The following ATF2 variants were observed in gnomAD, a reference collection of about 807,000 sequenced individuals.
The protein encoded by ATF2 is activating transcription factor 2.
Under a neutral mutation model 60.6 loss-of-function variants are expected in ATF2, and 24 were observed. The ratio of observed to expected loss-of-function variants is 0.40; its 90% CI spans 0.29 to 0.56. The LOEUF is 0.56. ATF2 is among the 20% of genes least tolerant of loss of function. The pLI is 0.54. For missense variants in ATF2, 433 were observed against 607.7 expected, an observed-to-expected ratio of 0.71 and a Z score of 3.02; for synonymous variants, 206 against 215.4, an observed-to-expected ratio of 0.96 and a Z score of 0.38.
intron 1 of ATF2, among the ~76,000 whole-genome samples, chr2:175,164,465 T>C (rs969297059): frequency 1.3e-5 from 2 of 151,850 alleles, no homozygotes; most frequent in African/African-American, 4.8e-5. Flanking sequence ...ATCCGGGAGG[T>C]GGAGATTGCA....
In ATF2 at chr2:175,087,157, A is replaced by G. The variant is rs186731161; in HGVS notation, c.1185+5904T>C. 3.3e-5 allele frequency among the ~76,000 whole-genome samples: 5 copies of G among 152,324 alleles called. No homozygotes were observed. In the East Asian group the frequency reaches 9.6e-4, roughly 29 times the overall value. On this transcript the variant is annotated intron_variant, in intron 12 of 13. Coordinates refer to ENST00000264110, the MANE Select transcript of ATF2 (RefSeq NM_001880.4). ...CAGCCTCCAAAGTCCTTCTGGTTGT[A>G]CTATCTACTATTTGTGAGTTAGTAT...
At chr2:175,143,596 GA>G (rs1698745484) in intron 2 of ATF2, among the ~76,000 whole-genome samples, 1 of 152,118 alleles carries the variant, frequency 6.6e-6, no homozygotes, top group Non-Finnish European at 1.5e-5. Context: ...ATACAGTATT[GA>G]TTTCTACTTT....
Position 175,093,263 on chromosome 2 carries a change from G to T in ATF2, c.983C>A (p.Ser328Tyr). ...GGTCTGTGGAGTTGTGTGAGCTGGA[G>T]AAGCCTATTATAAACAGAGATGAAA... ...PATSTTETPASPAHTTPQTQS... is the reference protein window; with the variant it reads ...PATSTTETPAYPAHTTPQTQS... Residue 328 changes from serine to tyrosine, a missense_variant, in exon 12 of 14, where the codon TCT (serine) becomes TAT (tyrosine). Ser to Tyr is a moderately radical substitution (Grantham distance 144). Around this residue, in one of 5 missense-constraint regions of ATF2, gnomAD observed 246 missense variants for 309.3 expected, o/e 0.80. Coordinates refer to ENST00000264110, the MANE Select transcript of ATF2 (RefSeq NM_001880.4). 6.2e-7 allele frequency: 1 copy of T among 1,613,804 alleles called. No homozygotes were observed. Among genetic ancestry groups the T allele is most frequent in the Non-Finnish European group, 8.5e-7 (1 of 1,179,888 alleles).
At chr2:175,094,544 T>C (rs1158767515) in intron 11 of ATF2, among the ~76,000 whole-genome samples, 3 of 151,972 alleles carry the variant, frequency 2.0e-5, no homozygotes, top group African/African-American at 7.2e-5. Flanking sequence ...ATTTATTATA[T>C]TTAAAAATGG....
At chr2:175,140,616 T>C (rs1028504808) in intron 2 of ATF2, among the ~76,000 whole-genome samples, 4 of 152,038 alleles carry the variant, frequency 2.6e-5, no homozygotes, top group Non-Finnish European at 5.9e-5. Context: ...CTGTATACTT[T>C]GAATATGTAT....
intron 12 of ATF2, among the ~76,000 whole-genome samples, chr2:175,086,280 TCAC>T (rs978182437): frequency 1.2e-4 from 18 of 152,284 alleles, no homozygotes; most frequent in African/African-American, 4.3e-4. Flanking sequence ...AAAGATGGTA[TCAC>T]CACTAGATTA....
At chr2:175,112,016 AAAATAATTTCAAC>A (rs1246242113) in intron 9 of ATF2, among the ~76,000 whole-genome samples, 2 of 152,254 alleles carry the variant, frequency 1.3e-5, no homozygotes, top group Non-Finnish European at 2.9e-5. Context: ...TTAGGCATAA[AAAATAATTTCAAC>A]AATGAATTTT....
At chr2:175,157,940 C>A (rs1014659290) in intron 1 of ATF2, among the ~76,000 whole-genome samples, 1 of 151,598 alleles carries the variant, frequency 6.6e-6, no homozygotes, top group African/African-American at 2.4e-5. Context: ...TGCAGTGAGC[C>A]GAGATCGCGC....
At chr2:175,108,145 T>A (rs1482738389) in intron 10 of ATF2, among the ~76,000 whole-genome samples, 6 of 147,698 alleles carry the variant, frequency 4.1e-5, no homozygotes, top group Non-Finnish European at 8.9e-5. Context: ...CAGCCGCCCA[T>A]CGTCTCAGAT....
intron 6 of ATF2, 64 bp from the exon 7 acceptor site, chr2:175,118,182 C>A: frequency 1.8e-5 from 29 of 1,591,988 alleles, no homozygotes; most frequent in Non-Finnish European, 2.5e-5. Flanking sequence ...ATTTAAAAAG[C>A]AGGAAGTATA....
At chr2:175,167,429 G>A (rs950815655) in intron 1 of ATF2, among the ~76,000 whole-genome samples, 2 of 151,974 alleles carry the variant, frequency 1.3e-5, no homozygotes, top group Non-Finnish European at 2.9e-5. Context: ...GTGGCGGAAA[G>A]GACGGAAAAG....
At chr2:175,137,610 T>C (rs1329941957) in intron 2 of ATF2, among the ~76,000 whole-genome samples, 2 of 152,124 alleles carry the variant, frequency 1.3e-5, no homozygotes, top group Non-Finnish European at 2.9e-5. Flanking sequence ...TTTCAATTAA[T>C]TTGGTAGGAA....
At chr2:175,099,016 C>G (rs1318561162) in intron 10 of ATF2, among the ~76,000 whole-genome samples, 1 of 150,862 alleles carries the variant, frequency 6.6e-6, no homozygotes, top group East Asian at 1.9e-4. Context: ...AAAATAAAGT[C>G]AATTTGTAAA....
chr2:175,120,107 G>T (rs1696851995), intron 5 of ATF2, among the ~76,000 whole-genome samples: 1 of 151,682 alleles, frequency 6.6e-6, no homozygotes, highest in Non-Finnish European at 1.5e-5. Context: ...AGACAGGAAA[G>T]TAATTTCTAG....
chr2:175,095,017 C>T (rs1360878414), intron 11 of ATF2, among the ~76,000 whole-genome samples: 1 of 152,006 alleles, frequency 6.6e-6, no homozygotes, highest in Non-Finnish European at 1.5e-5. Flanking sequence ...ATAATTGCAA[C>T]TTAATGTTTT....
chr2:175,107,792 C>T (rs1695789756), intron 10 of ATF2, among the ~76,000 whole-genome samples: 1 of 152,250 alleles, frequency 6.6e-6, no homozygotes, highest in African/African-American at 2.4e-5. Flanking sequence ...TGGTCTCCAG[C>T]TCCTAACCGC....
intron 11 of ATF2, among the ~76,000 whole-genome samples, chr2:175,095,848 T>C (rs1264066197): frequency 6.6e-6 from 1 of 152,126 alleles, no homozygotes; most frequent in East Asian, 1.9e-4. Context: ...TTTAAAAATG[T>C]AAAAAATCAT....
At chr2:175,101,681 G>A (rs1695322585) in intron 10 of ATF2, among the ~76,000 whole-genome samples, 1 of 152,146 alleles carries the variant, frequency 6.6e-6, no homozygotes, top group Non-Finnish European at 1.5e-5. Flanking sequence ...AGTAGGGCAA[G>A]TTACTACCTT....
chr2:175,112,547 T>A (rs1696271031), intron 9 of ATF2, among the ~76,000 whole-genome samples: 1 of 152,188 alleles, frequency 6.6e-6, no homozygotes, highest in South Asian at 2.1e-4. Flanking sequence ...ACCGAAAGTG[T>A]TGGAATGTTA....
Sources: gnomAD v4.1 joint callset for allele counts (sites outside exome capture counted in the v4.1 genomes callset) on GRCh38, gnomAD v4.1.1 for gene constraint, gnomAD v4.1.1 regional missense constraint, MANE v1.5 for transcripts, NCBI Gene and HGNC (gene_info 2026-07-23, HGNC 2026-07-21) for gene names.